The following CDK12 variants were observed in gnomAD, a reference collection of about 807,000 sequenced individuals.
CDK12 encodes cyclin-dependent kinase 12.
In CDK12, 17 loss-of-function variants were observed where a neutral mutation model predicts 133.8. The ratio of observed to expected loss-of-function variants is 0.13; its 90% confidence interval spans 0.09 to 0.19. The LOEUF is 0.19. CDK12 is among the 10% of genes least tolerant of loss of function. CDK12 has a pLI of 1.00. For synonymous variants in CDK12, 694 were observed against 683.6 expected (o/e 1.02, Z -0.24); for missense variants, 1,508 against 1,818.7 (o/e 0.83, Z 3.11).
intron 1 of CDK12, 109 bp from the exon 2 acceptor site, chr17:39,470,770 T>A (rs113172957): frequency 1.1e-5 from 10 of 940,270 alleles, no homozygotes; most frequent in African/African-American, 6.7e-5. Context: ...GCACTTAATC[T>A]ATTTTACAAT....
At chr17:39,537,545 T>TTTTTTTTATTTA (rs1555582176), downstream of CDK12, among the ~76,000 whole-genome samples, 3 of 142,562 alleles carry the variant, frequency 2.1e-5, no homozygotes, top group African/African-American at 5.4e-5. Context: ...AATTCCTTAT[T>TTTTTTTTATTTA]TTTATTTATT....
downstream of CDK12, among the ~76,000 whole-genome samples, chr17:39,535,327 G>A (rs1205940095): frequency 6.6e-6 from 1 of 152,178 alleles, no homozygotes; most frequent in African/African-American, 2.4e-5. Context: ...ATACACCAGA[G>A]CAAGGGAAAT....
chr17:39,555,247 T>A (rs1014611108), intron 2 of CDK12, among the ~76,000 whole-genome samples: 1 of 152,076 alleles, frequency 6.6e-6, no homozygotes, highest in Non-Finnish European at 1.5e-5. Flanking sequence ...AGCGAGACTC[T>A]GTCTCAAAAA....
intron 1 of CDK12, among the ~76,000 whole-genome samples, chr17:39,464,711 A>G (rs1261165655): frequency 6.6e-6 from 1 of 151,864 alleles, no homozygotes; most frequent in Non-Finnish European, 1.5e-5. Context: ...GAACACCCAT[A>G]TATGTAACAG....
chr17:39,490,514 T>C (rs2051505568), intron 2 of CDK12, 43 bp from the exon 3 acceptor site: 8 of 1,405,234 alleles, frequency 5.7e-6, no homozygotes, highest in Non-Finnish European at 7.8e-6. Context: ...TATTTGCGTA[T>C]CTTTAATTGT....
In CDK12 at chr17:39,511,719, T is replaced by C. The variant is rs2053517555; in HGVS notation, c.2768+89T>C. ...TCTCTGTACACTGGCTTTTTAGAGC[T>C]CTTCTTAAGTTCAGAAGGATGGCGA... On this transcript the variant is annotated intron_variant, in intron 8 of 13. Coordinates refer to ENST00000447079, the MANE Select transcript of CDK12 (RefSeq NM_016507.4). 6 of 669,628 alleles carry C rather than the reference T, an allele frequency of 9.0e-6. No individual in the cohort carries two copies. In the Admixed American group the frequency reaches 1.4e-4, roughly 15 times the overall value. 41.5% of individuals were successfully genotyped at this position (669,628 alleles called of 1,614,324 possible).
chr17:39,477,740 T>G (rs575405115), intron 2 of CDK12, among the ~76,000 whole-genome samples: 131 of 151,652 alleles, frequency 8.6e-4, no homozygotes, highest in African/African-American at 2.9e-3. Flanking sequence ...GCCCAGCTAA[T>G]TTTTTGTATT....
At chr17:39,485,824 GA>G (rs1425415721) in intron 2 of CDK12, among the ~76,000 whole-genome samples, 1 of 151,952 alleles carries the variant, frequency 6.6e-6, no homozygotes, top group Non-Finnish European at 1.5e-5. Context: ...AGTCAGCTAT[GA>G]TTGCACCACT....
chr17:39,541,930 C>T (rs112861308), intron 1 of CDK12, among the ~76,000 whole-genome samples: 1,635 of 152,282 alleles, frequency 0.011, 27 homozygotes, highest in African/African-American at 0.037. Flanking sequence ...AAGTGCCTTG[C>T]CCACGCAGTC....
intron 2 of CDK12, among the ~76,000 whole-genome samples, chr17:39,480,046 C>T (rs74445237): frequency 1.3e-5 from 2 of 151,626 alleles, no homozygotes; most frequent in African/African-American, 4.8e-5. Flanking sequence ...GCCTCAGCTG[C>T]CTGAGTAGCT....
At chr17:39,528,419 T>C (rs2054619840) in intron 13 of CDK12, among the ~76,000 whole-genome samples, 1 of 152,072 alleles carries the variant, frequency 6.6e-6, no homozygotes, top group African/African-American at 2.4e-5. Flanking sequence ...TTGCAAACCC[T>C]ACCTCCCAGG....
chr17:39,531,476 C>T lies in CDK12; in HGVS notation c.*160C>T, dbSNP rs568660357. 4.2e-4 allele frequency: 257 copies of T among 605,602 alleles called. No homozygotes were observed. The highest frequency in any genetic ancestry group is 6.0e-4 in the Non-Finnish European group (240 of 398,682). 37.5% of individuals were successfully genotyped at this position (605,602 alleles called of 1,614,324 possible). A position where few individuals can be genotyped will look rare whatever the true frequency, so the allele number is the denominator to read the frequency against. On this transcript the variant is annotated 3_prime_UTR_variant, in exon 14 of 14. Coordinates refer to ENST00000447079, the MANE Select transcript of CDK12 (RefSeq NM_016507.4). Reference sequence around the variant, plus strand: ...TCCTTGCTCACTTGCTACTAGCAGGCGACTTACGAAATAATGATGTTGGCA... The same window carrying T: ...TCCTTGCTCACTTGCTACTAGCAGGTGACTTACGAAATAATGATGTTGGCA...
At chr17:39,479,969 G>GC (rs1422216767) in intron 2 of CDK12, among the ~76,000 whole-genome samples, 1 of 149,600 alleles carries the variant, frequency 6.7e-6, no homozygotes, top group Non-Finnish European at 1.5e-5. Context: ...TGTTGCCCAG[G>GC]CTGGAGTGCA....
chr17:39,469,227 T>C (rs996761541), intron 1 of CDK12, among the ~76,000 whole-genome samples: 3 of 152,208 alleles, frequency 2.0e-5, no homozygotes, highest in African/African-American at 7.2e-5. Flanking sequence ...CTTAAAATGA[T>C]CTGCCCCATA....
intron 1 of CDK12, among the ~76,000 whole-genome samples, chr17:39,467,874 T>C (rs1053263003): frequency 6.6e-6 from 1 of 152,102 alleles, no homozygotes; most frequent in Non-Finnish European, 1.5e-5. Context: ...TTTAGTCCTA[T>C]TGATTCCAAC....
chr17:39,501,514 G>C (rs2052716226), intron 6 of CDK12, 75 bp downstream of exon 6: 1 of 1,003,320 alleles, frequency 1.0e-6, no homozygotes. Context: ...TGGTTAATTG[G>C]TATTATAATT....
At position 39,481,466 on chromosome 17, in the gene CDK12, G is replaced by A. The variant is rs1028581531; in HGVS notation, c.1932-9091G>A. Among the ~76,000 whole-genome samples, 4 of 150,722 alleles carry A rather than the reference G, an allele frequency of 2.7e-5. No individual in the cohort carries two copies. The East Asian group carries it at 5.9e-4, about 22-fold the overall frequency. ...GGGACTACAATCACAAGCCATGCCC[G>A]GCTGTTTTTTTTTTTACATTTTTGG... On this transcript the variant is annotated intron_variant, in intron 2 of 13. Transcript: ENST00000447079.
At chr17:39,566,217 C>T (rs2056568698), downstream of CDK12, among the ~76,000 whole-genome samples, 2 of 152,108 alleles carry the variant, frequency 1.3e-5, no homozygotes, top group Non-Finnish European at 2.9e-5. Context: ...GGTCTGATTG[C>T]TAGGGAGAGG....
chr17:39,528,534 C>T (rs1283005847), intron 13 of CDK12, among the ~76,000 whole-genome samples: 2 of 150,866 alleles, frequency 1.3e-5, no homozygotes, highest in African/African-American at 4.9e-5. Context: ...GGGGTTTCAC[C>T]TTGTTGGCCA....
Sources: allele counts gnomAD v4.1 joint callset (sites outside exome capture counted in the v4.1 genomes callset), GRCh38; gene constraint gnomAD v4.1.1; transcripts MANE v1.5; gene names NCBI Gene and HGNC (gene_info 2026-07-23, HGNC 2026-07-21).